EXOC4: variants seen among roughly 807,000 people sequenced by gnomAD.
EXOC4 encodes exocyst complex component 4.
In EXOC4, 71 loss-of-function variants were observed where a neutral mutation model predicts 107.2. The ratio of observed to expected loss-of-function variants is 0.66; its 90% confidence interval spans 0.55 to 0.81. The LOEUF (loss-of-function observed/expected upper bound fraction) is 0.81. EXOC4 is among the 30% of genes least tolerant of loss of function. EXOC4 has a pLI of 0.00. For synonymous variants in EXOC4, 456 were observed against 441.2 expected, an observed-to-expected ratio of 1.03 and a Z score of -0.42; for missense variants, 1,108 against 1,189.6, an observed-to-expected ratio of 0.93 and a Z score of 1.01.
chr7:133,827,893 C>T (rs1431803036), intron 11 of EXOC4, among the ~76,000 whole-genome samples: 1 of 152,020 alleles, frequency 6.6e-6, no homozygotes, highest in Non-Finnish European at 1.5e-5. Flanking sequence ...TGTCTGAGCA[C>T]GAGGCTGTTT....
At chr7:133,956,967 G>C (rs181120214) in intron 14 of EXOC4, among the ~76,000 whole-genome samples, 1 of 152,046 alleles carries the variant, frequency 6.6e-6, no homozygotes, top group African/African-American at 2.4e-5. Context: ...TATTTTCCAC[G>C]TGATAATACC....
chr7:133,963,067 G>A (rs921476722), intron 14 of EXOC4, among the ~76,000 whole-genome samples: 3 of 152,248 alleles, frequency 2.0e-5, no homozygotes, highest in Admixed American at 6.5e-5. Flanking sequence ...AAAAACAGGA[G>A]TTGATCCCGA....
chr7:133,884,072 C>T (rs764595284), intron 11 of EXOC4, among the ~76,000 whole-genome samples: 1 of 152,104 alleles, frequency 6.6e-6, no homozygotes, highest in Non-Finnish European at 1.5e-5. Context: ...CCCCAATAAA[C>T]AAAACCATTA....
At position 133,299,238 on chromosome 7, in the gene EXOC4, C is replaced by T. The variant is rs535481455; in HGVS notation, c.472-6639C>T. On this transcript the variant is annotated intron_variant, in intron 3 of 17. Transcript: ENST00000253861. ...CTTAAGAAAAAAATACCATTCTAGG[C>T]CTGACTTTTTTTTAATCTGTGAAAT... Among the ~76,000 whole-genome samples the T allele has an allele frequency of 2.6e-5, 4 of 151,964 alleles. No individual in the cohort carries two copies. In the East Asian group the frequency reaches 7.8e-4, roughly 29 times the overall value.
chr7:133,703,877 G>T (rs1794714945), intron 10 of EXOC4, among the ~76,000 whole-genome samples: 1 of 152,216 alleles, frequency 6.6e-6, no homozygotes, highest in African/African-American at 2.4e-5. Flanking sequence ...AAATTCATCA[G>T]TGAATTGCTC....
intron 10 of EXOC4, among the ~76,000 whole-genome samples, chr7:133,638,980 T>C (rs1802781319): frequency 6.6e-6 from 1 of 152,212 alleles, no homozygotes; most frequent in Admixed American, 6.5e-5. Context: ...CTGCTTTTTA[T>C]GTATTCTGAA....
intron 12 of EXOC4, among the ~76,000 whole-genome samples, chr7:133,915,224 C>T (rs763096924): frequency 3.8e-4 from 52 of 137,780 alleles, no homozygotes; most frequent in Admixed American, 2.0e-3. Flanking sequence ...GAGAGGAATG[C>T]AGGGAAGAGA....
chr7:133,330,855 G>T (rs893561771), intron 5 of EXOC4, among the ~76,000 whole-genome samples: 2 of 151,954 alleles, frequency 1.3e-5, no homozygotes, highest in African/African-American at 4.8e-5. Context: ...CTTCTTCTGC[G>T]TCGATCTCAC....
Position 133,990,776 on chromosome 7 carries a change from T to C in EXOC4, c.2207-6716T>C, listed in dbSNP as rs112485732. 1.3e-3 allele frequency among the ~76,000 whole-genome samples: 202 copies of C among 152,250 alleles called. 1 individual carries two copies. The highest frequency in any genetic ancestry group is 4.7e-3 in the African/African-American group (195 of 41,554). On this transcript the variant is annotated intron_variant, in intron 14 of 17. Transcript: ENST00000253861. ...ACCAGGATTTTATTCTTTTTATGGG[T>C]GAATAATATTCCATTGTGTATATCT...
chr7:133,848,195 AC>A (rs916042419), intron 11 of EXOC4, among the ~76,000 whole-genome samples: 28 of 152,258 alleles, frequency 1.8e-4, no homozygotes, highest in African/African-American at 5.5e-4. Flanking sequence ...GCAACAGATC[AC>A]CTAGCAAAGG....
chr7:133,425,144 A>C (rs1446367631), intron 7 of EXOC4, among the ~76,000 whole-genome samples: 1 of 152,188 alleles, frequency 6.6e-6, no homozygotes, highest in Admixed American at 6.5e-5. Flanking sequence ...TGGAAGCTTC[A>C]GGGGATAGGG....
At chr7:133,383,038 G>A (rs117858987) in intron 7 of EXOC4, among the ~76,000 whole-genome samples, 4 of 152,258 alleles carry the variant, frequency 2.6e-5, no homozygotes, top group East Asian at 1.9e-4. Context: ...TTTTGAAACT[G>A]TGATAATAGA....
chr7:134,089,163 C>T, the EXOC4 span, among the ~76,000 whole-genome samples: 1 of 152,140 alleles, frequency 6.6e-6, no homozygotes, highest in African/African-American at 2.4e-5. Context: ...TAACTTCAGC[C>T]AATATGTTCA....
chr7:134,068,289 G>A (rs182928247), downstream of EXOC4, among the ~76,000 whole-genome samples: 16 of 152,262 alleles, frequency 1.1e-4, no homozygotes, highest in African/African-American at 2.6e-4. Context: ...ATAATCCCAC[G>A]TGTCAGGGGA....
At chr7:134,047,712 A>G (rs1426724768) in intron 17 of EXOC4, among the ~76,000 whole-genome samples, 1 of 149,096 alleles carries the variant, frequency 6.7e-6, no homozygotes, top group Non-Finnish European at 1.5e-5. Context: ...ACCTTCTCTG[A>G]CCCTTTATTT....
intron 10 of EXOC4, among the ~76,000 whole-genome samples, chr7:133,719,278 CTG>C (rs1218079369): frequency 5.9e-5 from 9 of 152,158 alleles, no homozygotes; most frequent in African/African-American, 1.9e-4. Flanking sequence ...CCATGAGAAA[CTG>C]TAAGTCCATT....
chr7:133,784,940 C>T (rs889092539), intron 10 of EXOC4, among the ~76,000 whole-genome samples: 6 of 152,172 alleles, frequency 3.9e-5, no homozygotes, highest in Admixed American at 6.5e-5. Flanking sequence ...TGTGCTGTTT[C>T]GGGCCCTCCA....
intron 5 of EXOC4, among the ~76,000 whole-genome samples, chr7:133,322,564 T>G (rs1282775938): frequency 6.6e-6 from 1 of 152,176 alleles, no homozygotes; most frequent in Non-Finnish European, 1.5e-5. Context: ...TCTGTTCTGT[T>G]CCATTCTTCT....
intron 7 of EXOC4, among the ~76,000 whole-genome samples, chr7:133,438,237 G>A (rs1212813828): frequency 6.6e-6 from 1 of 152,128 alleles, no homozygotes; most frequent in Non-Finnish European, 1.5e-5. Flanking sequence ...TCCTAATGAT[G>A]TCTCATATGG....
Sources: allele counts gnomAD v4.1 joint callset (sites outside exome capture counted in the v4.1 genomes callset), GRCh38; gene constraint gnomAD v4.1.1; transcripts MANE v1.5; gene names NCBI Gene and HGNC (gene_info 2026-07-23, HGNC 2026-07-21).